PPP1R1C: variants seen among roughly 807,000 people sequenced by gnomAD.
PPP1R1C encodes the protein protein phosphatase 1 regulatory inhibitor subunit 1C.
Under a neutral mutation model 17.4 loss-of-function variants are expected in PPP1R1C, and 15 were observed. That is an observed-to-expected ratio of 0.86 (90% confidence interval 0.58 to 1.33). PPP1R1C has a LOEUF of 1.33. Among genes scored for constraint, PPP1R1C ranks in the 40% most tolerant of loss-of-function variants. PPP1R1C has a pLI of 0.00. For missense variants in PPP1R1C, 143 were observed against 130.0 expected (o/e 1.10, Z -0.48); for synonymous variants, 35 against 43.1 (o/e 0.81, Z 0.73).
chr2:182,052,429 C>T (rs892320934), intron 2 of PPP1R1C, among the ~76,000 whole-genome samples: 4 of 152,172 alleles, frequency 2.6e-5, no homozygotes, highest in African/African-American at 9.7e-5. Flanking sequence ...TATTTTTAGA[C>T]AATGCCAAAG....
intron 2 of PPP1R1C, among the ~76,000 whole-genome samples, chr2:182,013,715 C>CT (rs1159190110): frequency 2.6e-5 from 4 of 152,032 alleles, no homozygotes; most frequent in African/African-American, 9.7e-5. Flanking sequence ...ATGCTTAATT[C>CT]TTATCTATTC....
At chr2:181,968,724 C>T (rs1025903157) in intron 1 of PPP1R1C, among the ~76,000 whole-genome samples, 1 of 152,128 alleles carries the variant, frequency 6.6e-6, no homozygotes, top group African/African-American at 2.4e-5. Context: ...GGACTCACTA[C>T]TGCCATTTTA....
At chr2:182,035,188 C>T (rs958211562) in intron 2 of PPP1R1C, among the ~76,000 whole-genome samples, 4 of 152,184 alleles carry the variant, frequency 2.6e-5, no homozygotes, top group Admixed American at 6.5e-5. Flanking sequence ...CTCCCATCCC[C>T]ATCATTGAAT....
At chr2:181,954,823 A>G (rs1684644218) in intron 1 of PPP1R1C, among the ~76,000 whole-genome samples, 1 of 152,194 alleles carries the variant, frequency 6.6e-6, no homozygotes, top group Non-Finnish European at 1.5e-5. Context: ...GGTGATATGT[A>G]TCAGTATGTA....
chr2:182,090,299 G>GTGTGTGTGTGTGTGTGTGTC (rs1688745013), intron 4 of PPP1R1C, among the ~76,000 whole-genome samples: 2 of 151,746 alleles, frequency 1.3e-5, no homozygotes, highest in African/African-American at 4.8e-5. Flanking sequence ...CTGTGTGTGT[G>GTGTGTGTGTGTGTGTGTGTC]TGTGTGTGTG....
intron 5 of PPP1R1C, among the ~76,000 whole-genome samples, chr2:182,125,227 C>T (rs1266031454): frequency 1.3e-5 from 2 of 152,074 alleles, no homozygotes; most frequent in East Asian, 3.9e-4. Context: ...GTTGAACCAG[C>T]CTTGCATCCT....
chr2:182,113,492 G>C (rs967659225), intron 4 of PPP1R1C, among the ~76,000 whole-genome samples: 8 of 152,102 alleles, frequency 5.3e-5, no homozygotes, highest in Admixed American at 3.9e-4. Context: ...GCATGTTGCA[G>C]GAAAAGTCTG....
chr2:182,079,471 T>C (rs1187860922), intron 4 of PPP1R1C, among the ~76,000 whole-genome samples: 1 of 152,162 alleles, frequency 6.6e-6, no homozygotes, highest in African/African-American at 2.4e-5. Flanking sequence ...GTATAAGCAG[T>C]GGCTAAGTGC....
chr2:182,033,681 C>G (rs574447861), intron 2 of PPP1R1C, among the ~76,000 whole-genome samples: 32 of 152,260 alleles, frequency 2.1e-4, no homozygotes, highest in South Asian at 8.3e-4. Context: ...TTACCCTTCT[C>G]TTTTCCAACA....
chr2:182,105,370 C>T (rs1359495152), intron 4 of PPP1R1C, among the ~76,000 whole-genome samples: 1 of 152,136 alleles, frequency 6.6e-6, no homozygotes, highest in Non-Finnish European at 1.5e-5. Context: ...CATCCGTCAG[C>T]ATAGTTTTAG....
chr2:182,059,895 T>C (rs142996248), intron 2 of PPP1R1C, among the ~76,000 whole-genome samples: 1 of 152,038 alleles, frequency 6.6e-6, no homozygotes, highest in Non-Finnish European at 1.5e-5. Flanking sequence ...AAGTTATAGG[T>C]CCTGGGTTGG....
At chr2:182,029,752 G>T (rs1177584087) in intron 2 of PPP1R1C, among the ~76,000 whole-genome samples, 6 of 95,150 alleles carry the variant, frequency 6.3e-5, no homozygotes, top group Non-Finnish European at 1.2e-4. Flanking sequence ...GAATCTGAAC[G>T]TTGGCCTGCC....
chr2:182,102,736 T>C (rs1370597559), intron 4 of PPP1R1C, among the ~76,000 whole-genome samples: 1 of 152,200 alleles, frequency 6.6e-6, no homozygotes, highest in Non-Finnish European at 1.5e-5. Flanking sequence ...TTTGTAAATG[T>C]AATATATGTA....
At chr2:182,082,309 A>C (rs1206090382) in intron 4 of PPP1R1C, among the ~76,000 whole-genome samples, 1 of 152,222 alleles carries the variant, frequency 6.6e-6, no homozygotes, top group Non-Finnish European at 1.5e-5. Flanking sequence ...ATTTAGGATA[A>C]TATTTTCTTT....
intron 2 of PPP1R1C, among the ~76,000 whole-genome samples, chr2:182,055,008 A>G (rs1687638582): frequency 2.0e-5 from 3 of 151,948 alleles, no homozygotes; most frequent in African/African-American, 7.2e-5. Flanking sequence ...ATTTAATATA[A>G]TTACTGCTAT....
chr2:182,058,573 C>T lies in PPP1R1C; in HGVS notation c.143-2869C>T, dbSNP rs1157441592. Among the ~76,000 whole-genome samples, 4 of 151,906 alleles carry T rather than the reference C, an allele frequency of 2.6e-5. No homozygotes were observed. In the East Asian group the frequency reaches 7.7e-4, roughly 29 times the overall value. On this transcript the variant is annotated intron_variant, in intron 2 of 4. Coordinates refer to ENST00000682840, the MANE Select transcript of PPP1R1C (RefSeq NM_001080545.3). The stretch of plus-strand genomic sequence containing the variant: ...GCTCTCATTTTTTCATTTTTTTATT[C>T]CTCAAAACAAACTTATGAGAAAATG...
chr2:181,960,467 G>T (rs1261874597), intron 1 of PPP1R1C, among the ~76,000 whole-genome samples: 10 of 152,170 alleles, frequency 6.6e-5, no homozygotes, highest in African/African-American at 1.9e-4. Context: ...TGGCAATTTT[G>T]TAGTTTTTGT....
At chr2:182,098,403 T>C (rs1689005608) in intron 4 of PPP1R1C, among the ~76,000 whole-genome samples, 1 of 152,194 alleles carries the variant, frequency 6.6e-6, no homozygotes, top group East Asian at 1.9e-4. Context: ...TATGATGATA[T>C]TTCATGTATA....
At chr2:182,113,301 T>G (rs1689494347) in intron 4 of PPP1R1C, among the ~76,000 whole-genome samples, 1 of 152,236 alleles carries the variant, frequency 6.6e-6, no homozygotes, top group Non-Finnish European at 1.5e-5. Flanking sequence ...ATTAATTTTA[T>G]TTCCTTTTCC....
Sources: allele counts gnomAD v4.1 joint callset (sites outside exome capture counted in the v4.1 genomes callset), GRCh38; gene constraint gnomAD v4.1.1; transcripts MANE v1.5; gene names NCBI Gene and HGNC (gene_info 2026-07-23, HGNC 2026-07-21).